Variants in AK1 observed in about 807,000 individuals in gnomAD.
AK1 encodes the protein adenylate kinase 1.
In AK1, 13 loss-of-function variants were observed where a neutral mutation model predicts 23.9. The observed-to-expected ratio is 0.54, with a 90% confidence interval of 0.35 to 0.86. The LOEUF (loss-of-function observed/expected upper bound fraction) is 0.86, where lower values mean the gene tolerates loss of function less well. Ranked by LOEUF, AK1 falls within the 40% of genes least tolerant of loss-of-function variation. AK1 has a pLI of 0.01. For missense variants in AK1, 214 were observed against 255.1 expected (o/e 0.84, Z 1.10); for synonymous variants, 97 against 102.8 (o/e 0.94, Z 0.34).
intron 2 of AK1, 47 bp from the exon 3 acceptor site, chr9:127,873,108 A>C (rs779192466): frequency 3.1e-6 from 5 of 1,599,850 alleles, no homozygotes; most frequent in Non-Finnish European, 4.3e-6. Flanking sequence ...CGCTGGACCC[A>C]CAGCCAGAGG....
Position 127,868,235 on chromosome 9 carries a change from C to T in AK1, c.516+86G>A. 6.8e-7 allele frequency: 1 copy of T among 1,470,888 alleles called. No individual in the cohort carries two copies. The allele number at this position is 1,470,888 out of a possible 1,614,324, so 91.1% of individuals were successfully genotyped here. A position where few individuals can be genotyped will look rare whatever the true frequency, so the allele number is the denominator to read the frequency against. ...GGAAACCAAGGCCCAGAGAGAGGGG[C>T]TGGCCTGAGGCCACACAGTGAGCTG... On this transcript the variant is annotated intron_variant, in intron 6 of 6. Transcript: ENST00000644144. The surrounding 1 kb of genome is among the most constrained non-coding windows in gnomAD (Gnocchi z 4.1).
At chr9:127,878,134 C>T (rs986597103), upstream of AK1, among the ~76,000 whole-genome samples, 10 of 152,226 alleles carry the variant, frequency 6.6e-5, no homozygotes, top group African/African-American at 2.4e-4. Context: ...TCCCCAAGCC[C>T]GCCCTCAGAG....
chr9:127,879,004 T>C (rs1829593739), upstream of AK1, among the ~76,000 whole-genome samples: 1 of 151,636 alleles, frequency 6.6e-6, no homozygotes, highest in Admixed American at 6.6e-5. Context: ...TTGAGCTCAC[T>C]TGAGCCCAGG....
chr9:127,873,135 G>A, intron 2 of AK1, 74 bp from the exon 3 acceptor site: 1 of 1,576,586 alleles, frequency 6.3e-7, no homozygotes, highest in East Asian at 2.4e-5. Flanking sequence ...TGGAGTCCCA[G>A]GCCTGTGCTG....
intron 2 of AK1, chr9:127,874,377 G>A: frequency 1.0e-6 from 1 of 985,380 alleles, no homozygotes; most frequent in Non-Finnish European, 1.2e-6. Context: ...TAGGGGGTGT[G>A]CGCTGGGGCC....
In AK1 at chr9:127,871,943, G is replaced by C. The variant is rs371668364; in HGVS notation, c.208-4C>G. 1.2e-6 allele frequency: 2 copies of C among 1,611,762 alleles called. No homozygotes were observed. The highest frequency in any genetic ancestry group is 2.7e-5 in the African/African-American group (2 of 74,810). ...GGAGCATGTCCAACACTGTCTCCTG[G>C]GGCACAGCAAAGGAGGAAGGGGCCA... On this transcript the variant is annotated splice_region_variant and splice_polypyrimidine_tract_variant and intron_variant, in intron 4 of 6. Coordinates refer to ENST00000644144, the MANE Select transcript of AK1 (RefSeq NM_000476.3). The surrounding 1 kb of genome is among the most constrained non-coding windows in gnomAD (Gnocchi z 4.4).
At chr9:127,874,834 C>T in intron 1 of AK1, 185 bp from the exon 2 acceptor site, 1 of 619,304 alleles carries the variant, frequency 1.6e-6, no homozygotes, top group Non-Finnish European at 2.9e-6. Context: ...GGGAAAGTGA[C>T]CTTGGAAAAG....
intron 5 of AK1, among the ~76,000 whole-genome samples, chr9:127,870,829 A>AATGGGGCATGGGAATGGGGCATGGGG (rs1564472247): frequency 2.1e-4 from 11 of 52,532 alleles, no homozygotes; most frequent in East Asian, 8.1e-4. Flanking sequence ...GGGGCATGGG[A>AATGGGGCATGGGAATGGGGCATGGGG]ATGGGGCATG....
At chr9:127,873,992 G>T in intron 2 of AK1, 1 of 985,452 alleles carries the variant, frequency 1.0e-6, no homozygotes. Flanking sequence ...CCTATCCCGG[G>T]GGTGCAGTGG....
rs1829317522 is a variant in AK1 at position 127,868,930 on chromosome 9, C to T, written c.325-418G>A. ...CCTCAGGGCAGTCTCTCTGATGCCA[C>T]CCCCCGCCCCCCAGTACTCCCCGCC... is the stretch of plus-strand genomic sequence containing the variant. On this transcript the variant is annotated intron_variant, in intron 5 of 6. Transcript: ENST00000644144. This position sits in a 1 kb window ranked among gnomAD's most constrained non-coding sequence, Gnocchi z 4.1. Among the ~76,000 whole-genome samples the T allele has an allele frequency of 6.7e-6, 1 of 149,970 alleles. No homozygotes were observed. The highest frequency in any genetic ancestry group is 1.5e-5 in the Non-Finnish European group (1 of 68,028).
At position 127,877,041 on chromosome 9, in the gene AK1, G is replaced by A. The variant is rs1305251686; in HGVS notation, c.-33+582C>T. 6.6e-6 allele frequency among the ~76,000 whole-genome samples: 1 copy of A among 152,240 alleles called. No homozygotes were observed. The highest frequency in any genetic ancestry group is 2.4e-5 in the African/African-American group (1 of 41,462). On this transcript the variant is annotated intron_variant, in intron 1 of 6. Coordinates refer to ENST00000644144, the MANE Select transcript of AK1 (RefSeq NM_000476.3). This position sits in a 1 kb window ranked among gnomAD's most constrained non-coding sequence, Gnocchi z 5.2. The stretch of plus-strand genomic sequence containing the variant: ...TCACTCAGCTGTGTGACCTTGGGCA[G>A]TTGGTGTCCCCTCTCTGGGCCTGTC...
At chr9:127,878,511 T>C (rs1829587057), upstream of AK1, 1 of 152,362 alleles carries the variant, frequency 6.6e-6, no homozygotes, top group Middle Eastern at 3.4e-3. Context: ...ATCCAGCGTT[T>C]TGCAGGGAGA....
intron 5 of AK1, among the ~76,000 whole-genome samples, chr9:127,870,934 C>T (rs551391835): frequency 4.0e-5 from 6 of 151,898 alleles, no homozygotes; most frequent in African/African-American, 1.2e-4. Context: ...CTTGCAGTCC[C>T]GTTTATTTCT....
At chr9:127,869,942 T>G (rs1829348717) in intron 5 of AK1, among the ~76,000 whole-genome samples, 1 of 152,218 alleles carries the variant, frequency 6.6e-6, no homozygotes, top group Admixed American at 6.5e-5. Flanking sequence ...CTGTGGGGCC[T>G]CAGTCTCCCT....
chr9:127,874,572 G>A, intron 2 of AK1, 39 bp downstream of exon 2: 1 of 1,612,934 alleles, frequency 6.2e-7, no homozygotes. Context: ...CAGGCACACT[G>A]AGGCCCAGGC....
rs1046025397 is a variant in AK1, at chr9:127,873,116, AGG to A, written c.8-57_8-56del. ...AGTCACTCGCTGGACCCACAGCCAGAGGCACCTCTGGAGTCCCAGGCCTGTGC... is the reference window on the plus strand; with the variant it reads ...AGTCACTCGCTGGACCCACAGCCAGACACCTCTGGAGTCCCAGGCCTGTGC... On this transcript the variant is annotated intron_variant, in intron 2 of 6. Coordinates refer to ENST00000644144, the MANE Select transcript of AK1 (RefSeq NM_000476.3). 2.5e-6 allele frequency: 4 copies of A among 1,594,112 alleles called. No homozygotes were observed. The African/African-American group carries it at 4.0e-5, about 16-fold the overall frequency.
chr9:127,871,743 C>T lies in AK1; in HGVS notation c.324+80G>A, dbSNP rs1366696978. ...CTCAGAACTCTGACCTGCATCACAG[C>T]CCCCGCAGGCCCGCCCATGGGGATG... On this transcript the variant is annotated intron_variant, in intron 5 of 6. Transcript: ENST00000644144. This position sits in a 1 kb window ranked among gnomAD's most constrained non-coding sequence, Gnocchi z 4.4. 3.5e-6 allele frequency: 4 copies of T among 1,151,472 alleles called. No homozygotes were observed. Among genetic ancestry groups the T allele is most frequent in the Non-Finnish European group, 3.9e-6 (3 of 770,550 alleles). The allele number at this position is 1,151,472 out of a possible 1,614,324, so 71.3% of individuals were successfully genotyped here.
Position 127,868,159 on chromosome 9 carries a change from T to A in AK1, c.517-83A>T. ...CATGGCAGGCCCCAGAGACCAGGCCTGCCTCCCCGAGCCCAACCTAATTGA... is the reference window on the plus strand; with the variant it reads ...CATGGCAGGCCCCAGAGACCAGGCCAGCCTCCCCGAGCCCAACCTAATTGA... On this transcript the variant is annotated intron_variant, in intron 6 of 6. Coordinates refer to ENST00000644144, the MANE Select transcript of AK1 (RefSeq NM_000476.3). The surrounding 1 kb of genome is among the most constrained non-coding windows in gnomAD (Gnocchi z 4.1). The A allele has an allele frequency of 6.5e-7, 1 of 1,541,120 alleles. No individual in the cohort carries two copies. The highest frequency in any genetic ancestry group is 8.9e-7 in the Non-Finnish European group (1 of 1,117,740).
rs1005387142 is a variant in AK1, at chr9:127,866,669, G to T, written c.*1339C>A. The T allele has an allele frequency of 2.0e-5, 3 of 152,228 alleles. No individual in the cohort carries two copies. The highest frequency in any genetic ancestry group is 7.2e-5 in the African/African-American group (3 of 41,458). 9.4% of individuals were successfully genotyped at this position (152,228 alleles called of 1,614,324 possible). A position where few individuals can be genotyped will look rare whatever the true frequency, so the allele number is the denominator to read the frequency against. On this transcript the variant is annotated 3_prime_UTR_variant, in exon 7 of 7. Coordinates refer to ENST00000644144, the MANE Select transcript of AK1 (RefSeq NM_000476.3). ...GGGCCAGATCAGGTGTTAAGGACAC[G>T]TGAGCACCAAATTGAGCCTTTCTCA...
Sources: gnomAD v4.1 joint callset for allele counts (sites outside exome capture counted in the v4.1 genomes callset) on GRCh38, gnomAD v4.1.1 for gene constraint, Gnocchi (gnomAD v3.1) non-coding constraint, MANE v1.5 for transcripts, NCBI Gene and HGNC (gene_info 2026-07-23, HGNC 2026-07-21) for gene names.